CARNMT1: variants seen among roughly 807,000 people sequenced by gnomAD.
CARNMT1 encodes carnosine N-methyltransferase 1, also known as protein-L-histidine N-pros-methyltransferase CARNMT1.
In CARNMT1, 28 loss-of-function variants were observed where a neutral mutation model predicts 49.6. The ratio of observed to expected loss-of-function variants is 0.56; its 90% confidence interval spans 0.42 to 0.77. The LOEUF (loss-of-function observed/expected upper bound fraction) is 0.77, where lower values mean the gene tolerates loss of function less well. Among genes scored for constraint, CARNMT1 ranks in the 30% least tolerant of loss-of-function variants. CARNMT1 has a pLI of 0.00. For synonymous variants in CARNMT1, 178 were observed against 175.0 expected, an observed-to-expected ratio of 1.02 and a Z score of -0.13; for missense variants, 421 against 512.6, an observed-to-expected ratio of 0.82 and a Z score of 1.73.
chr9:75,016,396 G>A lies in CARNMT1; in HGVS notation c.462C>T (p.Asp154=), dbSNP rs1443382032. Residue 154 remains aspartate (D), a synonymous_variant, in exon 3 of 8, where the codon GAC becomes GAT. Coordinates refer to ENST00000376834, the MANE Select transcript of CARNMT1 (RefSeq NM_152420.3). ...NGKIMPASTF[D]MDKLKSTLKQ... is the part of the protein sequence containing the mutation. ...TCAGCGTGGATTTTAACTTATCCAT[G>A]TCAAATGTAGATGCTGGCATAATCT... is the stretch of plus-strand genomic sequence containing the variant. 6.2e-7 allele frequency: 1 copy of A among 1,613,958 alleles called. No individual in the cohort carries two copies. The highest frequency in any genetic ancestry group is 1.1e-5 in the South Asian group (1 of 91,046).
Position 74,982,312 on chromosome 9 carries a change from A to G in CARNMT1, c.*1455T>C, listed in dbSNP as rs1391517130. 6.6e-6 allele frequency: 1 copy of G among 152,232 alleles called. No homozygotes were observed. The highest frequency in any genetic ancestry group is 1.5e-5 in the Non-Finnish European group (1 of 68,036). The allele number at this position is 152,232 out of a possible 1,614,324, so 9.4% of individuals were successfully genotyped here. A position where few individuals can be genotyped will look rare whatever the true frequency, so the allele number is the denominator to read the frequency against. ...TTTAAATTGCCACAGAGGTCATTTAAAGCAATCACAATCATCTGTGAAAAT... is the reference window on the plus strand; with the variant it reads ...TTTAAATTGCCACAGAGGTCATTTAGAGCAATCACAATCATCTGTGAAAAT... On this transcript the variant is annotated 3_prime_UTR_variant, in exon 8 of 8. Coordinates refer to ENST00000376834, the MANE Select transcript of CARNMT1 (RefSeq NM_152420.3).
intron 6 of CARNMT1, among the ~76,000 whole-genome samples, chr9:74,990,583 C>G (rs1002248702): frequency 3.3e-5 from 5 of 152,176 alleles, no homozygotes; most frequent in African/African-American, 1.2e-4. Context: ...CATATATTTC[C>G]TACCCTGTTT....
At chr9:75,022,694 T>G (rs1822407244) in intron 1 of CARNMT1, among the ~76,000 whole-genome samples, 2 of 152,160 alleles carry the variant, frequency 1.3e-5, no homozygotes, top group South Asian at 4.1e-4. Context: ...TTCTTCCTAG[T>G]GTTTACTCCC....
At position 74,983,370 on chromosome 9, in the gene CARNMT1, T is replaced by C. The variant is rs1201216908; in HGVS notation, c.*397A>G. 2.6e-5 allele frequency: 4 copies of C among 154,288 alleles called. No individual in the cohort carries two copies. The highest frequency in any genetic ancestry group is 9.6e-5 in the African/African-American group (4 of 41,538). 9.6% of individuals were successfully genotyped at this position (154,288 alleles called of 1,614,324 possible). ...CTTAGACTCTTCTAAAAGTTACATG[T>C]GCAATGCATACAAAACAACAAAAAA... is the stretch of plus-strand genomic sequence containing the variant. On this transcript the variant is annotated 3_prime_UTR_variant, in exon 8 of 8. Coordinates refer to ENST00000376834, the MANE Select transcript of CARNMT1 (RefSeq NM_152420.3).
At chr9:75,003,499 A>G (rs926266255) in intron 3 of CARNMT1, among the ~76,000 whole-genome samples, 3 of 152,240 alleles carry the variant, frequency 2.0e-5, no homozygotes, top group African/African-American at 7.2e-5. Flanking sequence ...CTCAACAGAG[A>G]CGACATTGCC....
intron 6 of CARNMT1, among the ~76,000 whole-genome samples, chr9:74,990,479 TG>T (rs1199052124): frequency 1.3e-5 from 2 of 152,228 alleles, no homozygotes. Context: ...TATGTTTGTG[TG>T]TATGTATGTG....
chr9:75,024,497 T>C (rs1218363411), intron 1 of CARNMT1, among the ~76,000 whole-genome samples: 1 of 152,324 alleles, frequency 6.6e-6, no homozygotes, highest in Non-Finnish European at 1.5e-5. Context: ...TTTTCAACTC[T>C]AGTGTTTTCT....
At position 74,983,745 on chromosome 9, in the gene CARNMT1, C is replaced by G. The variant is rs368315108; in HGVS notation, c.*22G>C. Reference sequence around the variant, plus strand: ...CATTTGTTCTTACTAAACTTTTTTCCAGGTGGTATCACTTGAGACCATTAT... The same window carrying G: ...CATTTGTTCTTACTAAACTTTTTTCGAGGTGGTATCACTTGAGACCATTAT... On this transcript the variant is annotated 3_prime_UTR_variant, in exon 8 of 8. Coordinates refer to ENST00000376834, the MANE Select transcript of CARNMT1 (RefSeq NM_152420.3). The G allele has an allele frequency of 3.5e-6, 5 of 1,428,548 alleles. No individual in the cohort carries two copies. The highest frequency in any genetic ancestry group is 4.8e-6 in the Non-Finnish European group (5 of 1,042,604). The allele number at this position is 1,428,548 out of a possible 1,614,324, so 88.5% of individuals were successfully genotyped here. A position where few individuals can be genotyped will look rare whatever the true frequency, so the allele number is the denominator to read the frequency against.
chr9:74,984,751 C>G (rs530398723), intron 7 of CARNMT1, among the ~76,000 whole-genome samples, 156 bp downstream of exon 7: 1 of 152,168 alleles, frequency 6.6e-6, no homozygotes, highest in South Asian at 2.1e-4. Context: ...ATTTCTGGTC[C>G]CAAGCATTTT....
intron 3 of CARNMT1, among the ~76,000 whole-genome samples, chr9:75,014,754 C>A (rs1833795334): frequency 6.6e-6 from 1 of 151,918 alleles, no homozygotes; most frequent in Admixed American, 6.6e-5. Flanking sequence ...GGCTGAGGAA[C>A]AAGAATCACT....
intron 2 of CARNMT1, chr9:75,016,682 G>A (rs61485904): frequency 2.4e-6 from 1 of 422,122 alleles, no homozygotes; most frequent in African/African-American, 2.0e-5. Context: ...TTACTCAGGA[G>A]AGGACCAAAC....
chr9:74,991,910 T>G (rs747220433), intron 6 of CARNMT1, among the ~76,000 whole-genome samples: 1 of 152,196 alleles, frequency 6.6e-6, no homozygotes, highest in Non-Finnish European at 1.5e-5. Flanking sequence ...TTTATATTTT[T>G]ACTACTACTA....
intron 7 of CARNMT1, 67 bp downstream of exon 7, chr9:74,984,840 T>G: frequency 6.1e-6 from 6 of 980,598 alleles, no homozygotes; most frequent in Non-Finnish European, 8.2e-6. Context: ...CTAACAGCCA[T>G]GATATCAACA....
intron 3 of CARNMT1, among the ~76,000 whole-genome samples, chr9:75,009,347 G>A (rs922595789): frequency 2.0e-5 from 3 of 152,046 alleles, no homozygotes; most frequent in Non-Finnish European, 4.4e-5. Flanking sequence ...CTGGGCTCAA[G>A]CAGTCCTCCT....
chr9:75,015,106 T>C (rs1264233483), intron 3 of CARNMT1, among the ~76,000 whole-genome samples: 1 of 152,202 alleles, frequency 6.6e-6, no homozygotes, highest in Non-Finnish European at 1.5e-5. Flanking sequence ...GATTAAATTC[T>C]ATCCATCAAG....
At chr9:74,996,893 A>G (rs573722359) in intron 5 of CARNMT1, among the ~76,000 whole-genome samples, 7 of 152,286 alleles carry the variant, frequency 4.6e-5, no homozygotes, top group Non-Finnish European at 8.8e-5. Context: ...AAATCACTTA[A>G]AACAAAATAA....
chr9:75,000,132 T>C (rs1008941792), intron 3 of CARNMT1, among the ~76,000 whole-genome samples: 1 of 152,138 alleles, frequency 6.6e-6, no homozygotes, highest in African/African-American at 2.4e-5. Context: ...TCAAGACTTA[T>C]AAAGTCACTC....
At chr9:75,008,113 C>T (rs990371847) in intron 3 of CARNMT1, among the ~76,000 whole-genome samples, 3 of 137,002 alleles carry the variant, frequency 2.2e-5, no homozygotes, top group Non-Finnish European at 4.5e-5. Context: ...CTGGGCCACA[C>T]TGGAAGAATT....
intron 3 of CARNMT1, among the ~76,000 whole-genome samples, chr9:75,002,306 A>C (rs1261275513): frequency 6.6e-6 from 1 of 152,228 alleles, no homozygotes; most frequent in East Asian, 1.9e-4. Context: ...ACTCCAACAC[A>C]AAATGCTGTC....
Sources: gnomAD v4.1 joint callset for allele counts (sites outside exome capture counted in the v4.1 genomes callset) on GRCh38, gnomAD v4.1.1 for gene constraint, MANE v1.5 for transcripts, NCBI Gene and HGNC (gene_info 2026-07-23, HGNC 2026-07-21) for gene names.